Variants in TMPRSS3 observed in about 807,000 individuals in gnomAD.
TMPRSS3 encodes the protein transmembrane protease serine 3.
Under a neutral mutation model 59.6 loss-of-function variants are expected in TMPRSS3, and 55 were observed. The ratio of observed to expected loss-of-function variants is 0.92; its 90% CI spans 0.74 to 1.16. TMPRSS3 has a LOEUF of 1.16. TMPRSS3 is among the 50% of genes most tolerant of loss of function. The pLI, the probability that TMPRSS3 is intolerant of heterozygous loss-of-function variation, is 0.00. For synonymous variants in TMPRSS3, 257 were observed against 237.7 expected (o/e 1.08, Z -0.75); for missense variants, 596 against 579.4 (o/e 1.03, Z -0.29).
chr21:42,395,480 A>G lies in TMPRSS3; in HGVS notation c.-51-12T>C, dbSNP rs149439713. 7.1e-5 allele frequency: 96 copies of G among 1,360,156 alleles called. 1 individual carries two copies. The East Asian group carries it at 2.2e-3, about 31-fold the overall frequency. 84.3% of individuals were successfully genotyped at this position (1,360,156 alleles called of 1,614,324 possible). On this transcript the variant is annotated splice_polypyrimidine_tract_variant and intron_variant, in intron 1 of 12. Coordinates refer to ENST00000644384, the MANE Select transcript of TMPRSS3 (RefSeq NM_001256317.3). ...TCCACCTCTACCTCCTTAGCCGAGG[A>G]AGAACAGAAAGCATTTGTTCCCCTA...
Position 42,376,593 on chromosome 21 carries a change from G to T in TMPRSS3, c.1139C>A (p.Ser380Tyr). The T allele has an allele frequency of 6.2e-7, 1 of 1,614,010 alleles. No homozygotes were observed. The highest frequency in any genetic ancestry group is 1.3e-5 in the African/African-American group (1 of 75,062). ...NHRDVYGGIISPSMLCAGYLT... is the reference protein window; with the variant it reads ...NHRDVYGGIIYPSMLCAGYLT... ...GTAGCCCGCGCAGAGCATGGAGGGG[G>T]AGATGATGCCACCGTACACGTCCCT... The change falls in exon 11 of 13, where the codon TCC becomes TAC. Residue 380 changes from serine (S) to tyrosine (Y), a missense_variant. Physicochemically the swap from Ser to Tyr is moderately radical, Grantham distance 144. Coordinates refer to ENST00000644384, the MANE Select transcript of TMPRSS3 (RefSeq NM_001256317.3).
In TMPRSS3 at chr21:42,395,989, T is replaced by C. The variant is rs375438526; in HGVS notation, c.-99A>G. 1.9e-6 allele frequency: 1 copy of C among 518,856 alleles called. No homozygotes were observed. The highest frequency in any genetic ancestry group is 1.9e-5 in the African/African-American group (1 of 51,926). The allele number at this position is 518,856 out of a possible 1,614,324, so 32.1% of individuals were successfully genotyped here. On this transcript the variant is annotated 5_prime_UTR_variant, in exon 1 of 13. Coordinates refer to ENST00000644384, the MANE Select transcript of TMPRSS3 (RefSeq NM_001256317.3). The stretch of plus-strand genomic sequence containing the variant: ...GTAGATGGCACCACGGAAGAGATAG[T>C]AGGCCACAGTGTTACTGGCTTCCCA...
At position 42,372,775 on chromosome 21, in the gene TMPRSS3, T is replaced by A; in HGVS notation, c.1349A>T (p.Asp450Val). The change falls in exon 13 of 13, where the codon GAC becomes GTC. Residue 450 changes from aspartate to valine, a missense_variant. Physicochemically the swap from Asp to Val is radical, Grantham distance 152. Transcript: ENST00000644384. ...LDWIHEQMER[D>V]LKT Reference sequence around the variant, plus strand: ...TCCCCTTCCTCTTCAGGTTTTTAGGTCTCTCTATAAATGAAAACAAAGGCG... The same window carrying A: ...TCCCCTTCCTCTTCAGGTTTTTAGGACTCTCTATAAATGAAAACAAAGGCG... 1 of 1,613,944 alleles carries A rather than the reference T, an allele frequency of 6.2e-7. No homozygotes were observed. The highest frequency in any genetic ancestry group is 8.5e-7 in the Non-Finnish European group (1 of 1,179,946).
intron 10 of TMPRSS3, among the ~76,000 whole-genome samples, chr21:42,378,577 G>A (rs778267569): frequency 1.3e-4 from 20 of 152,184 alleles, no homozygotes; most frequent in Non-Finnish European, 1.6e-4. Flanking sequence ...TGAGGCTGGA[G>A]ATCCAGCTAC....
intron 3 of TMPRSS3, 41 bp from the exon 4 acceptor site, chr21:42,389,086 T>C (rs1178725746): frequency 1.2e-6 from 2 of 1,612,440 alleles, no homozygotes; most frequent in Non-Finnish European, 8.5e-7. Context: ...CAACAGCTCT[T>C]TCAGAGTGCA....
chr21:42,389,918 T>G lies in TMPRSS3; in HGVS notation c.205+9A>C. 1 of 1,595,912 alleles carries G rather than the reference T, an allele frequency of 6.3e-7. No homozygotes were observed. The highest frequency in any genetic ancestry group is 8.6e-7 in the Non-Finnish European group (1 of 1,163,344). ...TTTGAGATCCTACTAAATAATGAAT[T>G]GTACTCACTGCCCAGACCAATGGCC... On this transcript the variant is annotated intron_variant, in intron 3 of 12. Transcript: ENST00000644384.
At chr21:42,382,272 G>A (rs1162917470) in intron 8 of TMPRSS3, 38 bp from the exon 9 acceptor site, 1 of 1,589,022 alleles carries the variant, frequency 6.3e-7, no homozygotes, top group East Asian at 2.2e-5. Context: ...CACAGGAAAA[G>A]TCCAACCACT....
chr21:42,385,264 A>C, intron 6 of TMPRSS3, 145 bp downstream of exon 6: 1 of 1,050,960 alleles, frequency 9.5e-7, no homozygotes, highest in Non-Finnish European at 1.5e-6. Flanking sequence ...CGCATCCACC[A>C]GTCTCATCAA....
chr21:42,394,116 C>A (rs987777785), intron 2 of TMPRSS3, among the ~76,000 whole-genome samples: 2 of 151,992 alleles, frequency 1.3e-5, no homozygotes, highest in African/African-American at 4.8e-5. Context: ...CTAAATTGTT[C>A]TTCTAATGAA....
At chr21:42,380,350 C>A in intron 9 of TMPRSS3, 138 bp from the exon 10 acceptor site, 1 of 745,154 alleles carries the variant, frequency 1.3e-6, no homozygotes, top group Non-Finnish European at 2.4e-6. Context: ...TACTTGAAAA[C>A]GATCAGCTCA....
chr21:42,385,743 C>T (rs1016211713), intron 5 of TMPRSS3, among the ~76,000 whole-genome samples: 1 of 152,188 alleles, frequency 6.6e-6, no homozygotes, highest in Non-Finnish European at 1.5e-5. Context: ...TCTGGGATGA[C>T]CCCCGCTTCT....
chr21:42,380,267 A>T (rs2052504186), intron 9 of TMPRSS3, 55 bp from the exon 10 acceptor site: 2 of 1,439,426 alleles, frequency 1.4e-6, no homozygotes, highest in Non-Finnish European at 1.9e-6. Flanking sequence ...GTCCGAGAAA[A>T]CAATCTCATC....
At chr21:42,392,803 G>A (rs2052750076) in intron 2 of TMPRSS3, among the ~76,000 whole-genome samples, 1 of 152,218 alleles carries the variant, frequency 6.6e-6, no homozygotes, top group Non-Finnish European at 1.5e-5. Flanking sequence ...CTGTATTTAA[G>A]TTGGATTTAG....
chr21:42,375,428 G>T (rs943875480), intron 12 of TMPRSS3, among the ~76,000 whole-genome samples: 5 of 151,408 alleles, frequency 3.3e-5, no homozygotes, highest in African/African-American at 1.2e-4. Flanking sequence ...TCCCAGCAGG[G>T]GCTCCTCCTC....
chr21:42,380,752 T>C lies in TMPRSS3; in HGVS notation c.953-540A>G, dbSNP rs145747976. ...TGGAGGCGACGAGTTTGCCTGTGTG[T>C]AGGGCTGGATCCTGTGGGCCTCCCC... On this transcript the variant is annotated intron_variant, in intron 9 of 12. Coordinates refer to ENST00000644384, the MANE Select transcript of TMPRSS3 (RefSeq NM_001256317.3). Among the ~76,000 whole-genome samples the C allele has an allele frequency of 1.1e-4, 16 of 152,358 alleles. No homozygotes were observed. The East Asian group carries it at 2.9e-3, about 28-fold the overall frequency.
At chr21:42,391,180 C>A (rs2052729185) in intron 2 of TMPRSS3, among the ~76,000 whole-genome samples, 1 of 152,150 alleles carries the variant, frequency 6.6e-6, no homozygotes, top group Non-Finnish European at 1.5e-5. Context: ...AGAGGAGATG[C>A]AAGGACAAGA....
rs994898768 is a variant in TMPRSS3, at chr21:42,374,781, G to A, written c.1344+935C>T. On this transcript the variant is annotated intron_variant, in intron 12 of 12. Coordinates refer to ENST00000644384, the MANE Select transcript of TMPRSS3 (RefSeq NM_001256317.3). ...GGAAAAAAAACGTACTTACTTTGACGTCATTGTTAGTTCTTGGAAACTACG... is the reference window on the plus strand; with the variant it reads ...GGAAAAAAAACGTACTTACTTTGACATCATTGTTAGTTCTTGGAAACTACG... 4.2e-4 allele frequency among the ~76,000 whole-genome samples: 64 copies of A among 152,214 alleles called. 1 individual carries two copies. Among genetic ancestry groups the A allele is most frequent in the East Asian group, 5.8e-4 (3 of 5,186 alleles).
At chr21:42,376,175 C>A (rs939764220) in intron 11 of TMPRSS3, among the ~76,000 whole-genome samples, 1 of 152,172 alleles carries the variant, frequency 6.6e-6, no homozygotes, top group Non-Finnish European at 1.5e-5. Context: ...CTGGCCAGGG[C>A]CCTCAGGTGA....
At chr21:42,377,564 T>C (rs191898063) in intron 10 of TMPRSS3, among the ~76,000 whole-genome samples, 1 of 152,304 alleles carries the variant, frequency 6.6e-6, no homozygotes, top group East Asian at 1.9e-4. Context: ...TTTGGGGTCG[T>C]TTGTTGCAAC....
Sources: gnomAD v4.1 joint callset for allele counts (sites outside exome capture counted in the v4.1 genomes callset) on GRCh38, gnomAD v4.1.1 for gene constraint, MANE v1.5 for transcripts, NCBI Gene and HGNC (gene_info 2026-07-23, HGNC 2026-07-21) for gene names.